The following DGLUCY variants were observed in gnomAD, a reference collection of about 807,000 sequenced individuals.
The protein encoded by DGLUCY is D-glutamate cyclase, also known as D-glutamate cyclase, mitochondrial.
In DGLUCY, 58 loss-of-function variants were observed where a neutral mutation model predicts 58.5. The ratio of observed to expected loss-of-function variants is 0.99; its 90% CI spans 0.80 to 1.23. The LOEUF (loss-of-function observed/expected upper bound fraction) is 1.23, where lower values mean the gene tolerates loss of function less well. DGLUCY is among the 50% of genes most tolerant of loss of function. The pLI, the probability that DGLUCY is intolerant of heterozygous loss-of-function variation, is 0.00. For missense variants in DGLUCY, 779 were observed against 784.7 expected (o/e 0.99, Z 0.09); for synonymous variants, 325 against 314.1 (o/e 1.03, Z -0.37).
intron 11 of DGLUCY, among the ~76,000 whole-genome samples, chr14:91,200,342 C>G (rs555959509): frequency 2.0e-5 from 3 of 152,264 alleles, no homozygotes; most frequent in African/African-American, 7.2e-5. Context: ...GGTCTTTGTT[C>G]ATTACGGTTG....
intron 1 of DGLUCY, among the ~76,000 whole-genome samples, chr14:91,071,838 AGCCTG>A (rs752120355): frequency 1.3e-4 from 19 of 151,886 alleles, no homozygotes; most frequent in Non-Finnish European, 1.8e-4. Flanking sequence ...ACTGCACTCC[AGCCTG>A]GTAACAGAGT....
intron 1 of DGLUCY, among the ~76,000 whole-genome samples, chr14:91,067,700 C>G (rs1219994450): frequency 3.3e-5 from 5 of 152,030 alleles, no homozygotes; most frequent in Non-Finnish European, 5.9e-5. Flanking sequence ...AGGCACATGC[C>G]ACCACACCCA....
At chr14:91,118,086 C>CA (rs2045101943) in intron 1 of DGLUCY, among the ~76,000 whole-genome samples, 1 of 81,364 alleles carries the variant, frequency 1.2e-5, no homozygotes, top group African/African-American at 5.0e-5. Context: ...CCCCCCCCCC[C>CA]CCTTTTTTTT....
intron 1 of DGLUCY, among the ~76,000 whole-genome samples, chr14:91,145,543 G>C (rs1273676182): frequency 6.6e-6 from 1 of 152,120 alleles, no homozygotes; most frequent in African/African-American, 2.4e-5. Flanking sequence ...CCAGGACTGA[G>C]GACAGGAAGT....
At chr14:91,060,653 G>A in exon 1 of DGLUCY, 1 of 493,202 alleles carries the variant, frequency 2.0e-6, no homozygotes, top group Non-Finnish European at 3.1e-6. Context: ...CAACCAAACC[G>A]CCCCCTGCTC....
In DGLUCY at chr14:91,173,448, C is replaced by T; in HGVS notation, c.607+9C>T. On this transcript the variant is annotated intron_variant, in intron 6 of 13. Transcript: ENST00000256324. Reference sequence around the variant, plus strand: ...TCACATGGGCGACCCAGGTCAGTGTCTCTCGCTCCTGCCCATGATCTTCCT... The same window carrying T: ...TCACATGGGCGACCCAGGTCAGTGTTTCTCGCTCCTGCCCATGATCTTCCT... 2 of 1,587,886 alleles carry T rather than the reference C, an allele frequency of 1.3e-6. No homozygotes were observed. The highest frequency in any genetic ancestry group is 1.7e-6 in the Non-Finnish European group (2 of 1,169,786).
chr14:91,092,700 G>C (rs1340867859), intron 1 of DGLUCY, among the ~76,000 whole-genome samples: 1 of 152,142 alleles, frequency 6.6e-6, no homozygotes, highest in Non-Finnish European at 1.5e-5. Context: ...GCCCCAGATT[G>C]GGAACCAAAG....
At chr14:91,085,221 CAAAAA>C (rs745438426) in intron 1 of DGLUCY, among the ~76,000 whole-genome samples, 1 of 89,282 alleles carries the variant, frequency 1.1e-5, no homozygotes. Context: ...AACCCTGTCT[CAAAAA>C]AAAAAAAAAA....
upstream of DGLUCY, among the ~76,000 whole-genome samples, chr14:91,112,937 T>C (rs1464522334): frequency 6.9e-6 from 1 of 144,326 alleles, no homozygotes; most frequent in Non-Finnish European, 1.5e-5. Flanking sequence ...AGGCGGAGAT[T>C]GCAGTGAGCC....
intron 1 of DGLUCY, among the ~76,000 whole-genome samples, chr14:91,065,655 T>C (rs2043807798): frequency 6.6e-6 from 1 of 152,166 alleles, no homozygotes; most frequent in Non-Finnish European, 1.5e-5. Context: ...TGCACAACTC[T>C]TGCACAACTA....
chr14:91,219,193 A>C (rs1480455477), intron 13 of DGLUCY, among the ~76,000 whole-genome samples: 1 of 152,072 alleles, frequency 6.6e-6, no homozygotes, highest in Admixed American at 6.5e-5. Context: ...AAAAAAAGAA[A>C]AAAAAATTTT....
intron 13 of DGLUCY, among the ~76,000 whole-genome samples, chr14:91,221,161 G>T (rs184801313): frequency 1.3e-5 from 2 of 152,212 alleles, no homozygotes; most frequent in Non-Finnish European, 2.9e-5. Context: ...TGACATGGAT[G>T]TGGAATATGC....
At chr14:91,215,655 G>C (rs929750116) in intron 13 of DGLUCY, 99 bp downstream of exon 13, 1 of 1,599,178 alleles carries the variant, frequency 6.3e-7, no homozygotes, top group Non-Finnish European at 8.5e-7. Context: ...CTGGCACCCT[G>C]CTGCCCCTCA....
intron 1 of DGLUCY, among the ~76,000 whole-genome samples, chr14:91,126,212 A>T (rs1039632729): frequency 8.5e-5 from 13 of 152,294 alleles, no homozygotes; most frequent in African/African-American, 3.1e-4. Context: ...GGGGGGTAGG[A>T]GTTCTACGTC....
chr14:91,091,943 G>A (rs2044318761), intron 1 of DGLUCY, among the ~76,000 whole-genome samples: 1 of 152,060 alleles, frequency 6.6e-6, no homozygotes, highest in Non-Finnish European at 1.5e-5. Context: ...CACCTCTAGG[G>A]CTCTGTCCTC....
intron 13 of DGLUCY, among the ~76,000 whole-genome samples, chr14:91,217,034 G>A (rs1886636852): frequency 6.6e-6 from 1 of 152,146 alleles, no homozygotes. Context: ...CCAATTCCAG[G>A]CTCTAACCCG....
At chr14:91,154,077 T>C (rs1471031856) in intron 1 of DGLUCY, among the ~76,000 whole-genome samples, 1 of 152,178 alleles carries the variant, frequency 6.6e-6, no homozygotes, top group East Asian at 1.9e-4. Flanking sequence ...AGCTAATTTT[T>C]GTATATTTAG....
chr14:91,189,540 G>C (rs1316487296), intron 9 of DGLUCY, among the ~76,000 whole-genome samples: 2 of 152,194 alleles, frequency 1.3e-5, no homozygotes, highest in Admixed American at 6.5e-5. Flanking sequence ...TGGCTGAAAG[G>C]CTCAGACAGC....
Position 91,181,109 on chromosome 14 carries a change from A to G in DGLUCY, c.731-77A>G, listed in dbSNP as rs574238809. On this transcript the variant is annotated intron_variant, in intron 7 of 13. Transcript: ENST00000256324. ...TTGATGGCCAGGTGCCATCTTGCCT[A>G]TCAACAGTGGGCTAGATGAGGGTAG... 32 of 1,417,766 alleles carry G rather than the reference A, an allele frequency of 2.3e-5. No individual in the cohort carries two copies. In the East Asian group the frequency reaches 5.3e-4, roughly 23 times the overall value. The allele number at this position is 1,417,766 out of a possible 1,614,324, so 87.8% of individuals were successfully genotyped here. A position where few individuals can be genotyped will look rare whatever the true frequency, so the allele number is the denominator to read the frequency against.
Sources: gnomAD v4.1 joint callset for allele counts (sites outside exome capture counted in the v4.1 genomes callset) on GRCh38, gnomAD v4.1.1 for gene constraint, MANE v1.5 for transcripts, NCBI Gene and HGNC (gene_info 2026-07-23, HGNC 2026-07-21) for gene names.